The following AGBL1 variants were observed in gnomAD, a reference collection of about 807,000 sequenced individuals.
AGBL1 encodes cytosolic carboxypeptidase 4.
In AGBL1, 130 loss-of-function variants were observed where a neutral mutation model predicts 118.9. The observed-to-expected ratio is 1.09, with a 90% CI of 0.95 to 1.26. AGBL1 has a LOEUF of 1.26. Among genes scored for constraint, AGBL1 ranks in the 50% most tolerant of loss-of-function variants. AGBL1 has a pLI of 0.00. For synonymous variants in AGBL1, 555 were observed against 478.9 expected (o/e 1.16, Z -2.08); for missense variants, 1,584 against 1,298.1 (o/e 1.22, Z -3.38).
intron 5 of AGBL1, among the ~76,000 whole-genome samples, chr15:86,212,158 C>T (rs960653766): frequency 6.6e-6 from 1 of 152,168 alleles, no homozygotes; most frequent in Non-Finnish European, 1.5e-5. Context: ...TTTATTTACT[C>T]ACCAAACATA....
intron 20 of AGBL1, among the ~76,000 whole-genome samples, chr15:86,551,219 A>G (rs964524227): frequency 2.0e-5 from 3 of 152,106 alleles, no homozygotes; most frequent in African/African-American, 7.2e-5. Context: ...GAACAAAATA[A>G]AAGCCAAAGT....
chr15:86,937,568 G>A (rs1162509951), intron 23 of AGBL1, among the ~76,000 whole-genome samples: 2 of 152,178 alleles, frequency 1.3e-5, no homozygotes, highest in Non-Finnish European at 2.9e-5. Context: ...AATATCACAT[G>A]TTCTCACTTA....
intron 22 of AGBL1, among the ~76,000 whole-genome samples, chr15:86,855,307 A>C (rs1020878033): frequency 1.4e-4 from 21 of 152,238 alleles, no homozygotes; most frequent in African/African-American, 5.1e-4. Flanking sequence ...GATAAACAAA[A>C]AGCTCAAGTA....
intron 23 of AGBL1, among the ~76,000 whole-genome samples, chr15:86,950,050 GA>G: frequency 6.6e-6 from 1 of 151,786 alleles, no homozygotes; most frequent in East Asian, 1.9e-4. Context: ...AGACAGGGGT[GA>G]AATAAATCAA....
At chr15:86,146,787 G>A (rs2077039153) in intron 3 of AGBL1, among the ~76,000 whole-genome samples, 2 of 152,200 alleles carry the variant, frequency 1.3e-5, no homozygotes, top group Non-Finnish European at 2.9e-5. Flanking sequence ...GAAGGAATGG[G>A]ATAGATATCT....
At position 86,219,942 on chromosome 15, in the gene AGBL1, CCT is replaced by C. The variant is rs1491238479; in HGVS notation, c.489-4969_489-4968del. 2.3e-3 allele frequency among the ~76,000 whole-genome samples: 312 copies of C among 134,546 alleles called. 7 individuals carry two copies. The highest frequency in any genetic ancestry group is 8.3e-3 in the Middle Eastern group (2 of 242). 88.3% of individuals were successfully genotyped at this position (134,546 alleles called of 152,430 possible). A position where few individuals can be genotyped will look rare whatever the true frequency, so the allele number is the denominator to read the frequency against. ...AGAGGTAGACTTATAGCTAATGCTG[CCT>C]CTTTTTTTTTTTTTTTTTTTTTTTT... On this transcript the variant is annotated intron_variant, in intron 5 of 22. Coordinates refer to ENST00000614907, the MANE Select transcript of AGBL1 (RefSeq NM_001386094.1).
chr15:86,154,431 TA>T lies in AGBL1; in HGVS notation c.269del (p.Lys90ArgfsTer7). Reference sequence around the variant, plus strand: ...AGATAGATTGATTTGTGTTCTTAGATAAAAAGATTGGACGGAAGGCCCTAGA... The same window carrying T: ...AGATAGATTGATTTGTGTTCTTAGATAAAAGATTGGACGGAAGGCCCTAGA... ...RLLAKVGLRDKKIGRKALELE... is the reference protein window; with the variant it reads ...RLLAKVGLRDXKIGRKALELE... On this transcript the variant is annotated frameshift_variant and splice_region_variant, in exon 4 of 23. Transcript: ENST00000614907. LOFTEE classifies it high-confidence loss of function. The T allele has an allele frequency of 1.2e-6, 2 of 1,611,704 alleles. No individual in the cohort carries two copies. Among genetic ancestry groups the T allele is most frequent in the Non-Finnish European group, 1.7e-6 (2 of 1,178,956 alleles).
intron 21 of AGBL1, among the ~76,000 whole-genome samples, chr15:86,638,218 T>TA (rs755249849): frequency 2.0e-5 from 3 of 152,204 alleles, no homozygotes; most frequent in Non-Finnish European, 2.9e-5. Context: ...TAAAGAAATA[T>TA]TGCAATACAA....
chr15:86,564,228 A>G (rs1178916649), intron 21 of AGBL1, among the ~76,000 whole-genome samples: 1 of 152,134 alleles, frequency 6.6e-6, no homozygotes, highest in African/African-American at 2.4e-5. Flanking sequence ...CCTAGCATCG[A>G]TGGTCTTTAC....
At chr15:86,797,082 G>A (rs919897322) in intron 22 of AGBL1, among the ~76,000 whole-genome samples, 3 of 152,222 alleles carry the variant, frequency 2.0e-5, no homozygotes, top group African/African-American at 7.2e-5. Context: ...CCTCGTCTGT[G>A]AAGTGCCCAT....
intron 22 of AGBL1, among the ~76,000 whole-genome samples, chr15:86,797,884 A>T (rs1045091682): frequency 3.9e-5 from 6 of 152,204 alleles, no homozygotes; most frequent in Admixed American, 1.3e-4. Context: ...CTTTTCTTGG[A>T]TATGACCTTT....
In AGBL1 at chr15:86,666,413, AT is replaced by A. The variant is rs145265232; in HGVS notation, c.2995-7859del. ...TTACTCAATTGTTGCCCTATCTCTA[AT>A]AAATTTTGTCTTTCAGTTGATGTCT... On this transcript the variant is annotated intron_variant, in intron 21 of 22. Transcript: ENST00000614907. Among the ~76,000 whole-genome samples, 761 of 152,294 alleles carry A rather than the reference AT, an allele frequency of 5.0e-3. 4 individuals are homozygous for A. Among genetic ancestry groups the A allele is most frequent in the African/African-American group, 0.017 (715 of 41,572 alleles).
At chr15:87,017,600 AAAC>A (rs932898637) in intron 24 of AGBL1, among the ~76,000 whole-genome samples, 11 of 152,130 alleles carry the variant, frequency 7.2e-5, no homozygotes, top group Non-Finnish European at 1.3e-4. Context: ...AAAACAACAA[AAAC>A]AACATCAGCA....
At chr15:86,427,280 G>C (rs183953689) in intron 18 of AGBL1, among the ~76,000 whole-genome samples, 37 of 152,262 alleles carry the variant, frequency 2.4e-4, no homozygotes, top group Admixed American at 2.4e-3. Flanking sequence ...AAATGTGCTA[G>C]ACCTTTTTGT....
intron 24 of AGBL1, among the ~76,000 whole-genome samples, chr15:87,021,038 C>A (rs2081659294): frequency 2.6e-5 from 4 of 151,932 alleles, no homozygotes; most frequent in Middle Eastern, 6.8e-3. Flanking sequence ...GCCCATATAG[C>A]CAAGATGATC....
At chr15:86,900,049 G>A (rs964258508) in intron 22 of AGBL1, among the ~76,000 whole-genome samples, 13 of 152,080 alleles carry the variant, frequency 8.5e-5, no homozygotes, top group African/African-American at 2.9e-4. Flanking sequence ...TCCTGCCCTT[G>A]AACATTGGAC....
rs113268932 is a variant in AGBL1, at chr15:86,875,000, T to G, written c.3159-32087T>G. On this transcript the variant is annotated intron_variant, in intron 22 of 22. Transcript: ENST00000614907. ...GGGACCTGACAAGTGACAAACTGAC[T>G]ATTAATTGTTTTGCAGTTCAGAAAA... 7.9e-5 allele frequency among the ~76,000 whole-genome samples: 12 copies of G among 152,162 alleles called. 2 individuals carry two copies. Among genetic ancestry groups the G allele is most frequent in the African/African-American group, 2.9e-4 (12 of 41,500 alleles).
chr15:86,940,384 A>C (rs943927785), intron 23 of AGBL1, among the ~76,000 whole-genome samples: 26 of 152,228 alleles, frequency 1.7e-4, no homozygotes, highest in Non-Finnish European at 2.9e-5. Flanking sequence ...GATTGACAGC[A>C]CATGGTAAGT....
intron 24 of AGBL1, among the ~76,000 whole-genome samples, chr15:87,002,264 G>A (rs1232153297): frequency 6.6e-6 from 1 of 151,972 alleles, no homozygotes; most frequent in Non-Finnish European, 1.5e-5. Flanking sequence ...TTTTTGTCAG[G>A]TTTGTCAAAG....
Sources: allele counts gnomAD v4.1 joint callset (sites outside exome capture counted in the v4.1 genomes callset), GRCh38; gene constraint gnomAD v4.1.1; transcripts MANE v1.5; gene names NCBI Gene and HGNC (gene_info 2026-07-23, HGNC 2026-07-21).